Variants in DYNC1I1 observed in about 807,000 individuals in gnomAD.
DYNC1I1 encodes cytoplasmic dynein 1 intermediate chain 1.
A neutral mutation model predicts 86.6 loss-of-function variants in DYNC1I1; 43 were observed. That is an observed-to-expected ratio of 0.50 (90% CI 0.39 to 0.64). The LOEUF is 0.64. Among genes scored for constraint, DYNC1I1 ranks in the 30% least tolerant of loss-of-function variants. DYNC1I1 has a pLI of 0.00. For synonymous variants in DYNC1I1, 262 were observed against 283.7 expected, an observed-to-expected ratio of 0.92 and a Z score of 0.77; for missense variants, 604 against 788.8, an observed-to-expected ratio of 0.77 and a Z score of 2.81.
intron 15 of DYNC1I1, among the ~76,000 whole-genome samples, chr7:96,079,141 T>G (rs1415398290): frequency 6.6e-6 from 1 of 152,138 alleles, no homozygotes; most frequent in Non-Finnish European, 1.5e-5. Flanking sequence ...GATGGAGTTT[T>G]TATTGCTATT....
At chr7:96,070,334 G>A (rs956645696) in intron 14 of DYNC1I1, among the ~76,000 whole-genome samples, 2 of 152,106 alleles carry the variant, frequency 1.3e-5, no homozygotes, top group African/African-American at 4.8e-5. Context: ...TTTTGTGTGA[G>A]CCTGAAGTTT....
intron 14 of DYNC1I1, among the ~76,000 whole-genome samples, chr7:96,065,676 C>A (rs1032531833): frequency 2.0e-5 from 3 of 152,180 alleles, no homozygotes; most frequent in African/African-American, 7.2e-5. Flanking sequence ...GCGTGAGCCA[C>A]CGCGCCGAGC....
intron 16 of DYNC1I1, among the ~76,000 whole-genome samples, chr7:96,085,711 C>G (rs1745893406): frequency 6.6e-6 from 1 of 152,100 alleles, no homozygotes; most frequent in South Asian, 2.1e-4. Flanking sequence ...TCAAAAGTTA[C>G]TTACATAGAC....
chr7:96,065,501 C>A (rs767911963), intron 14 of DYNC1I1, among the ~76,000 whole-genome samples: 19 of 151,694 alleles, frequency 1.3e-4, no homozygotes, highest in Non-Finnish European at 2.4e-4. Flanking sequence ...CCTCAGCCTT[C>A]CAAATAGCTG....
chr7:96,006,540 C>T (rs1057295966), intron 10 of DYNC1I1, among the ~76,000 whole-genome samples: 7 of 152,150 alleles, frequency 4.6e-5, no homozygotes, highest in Non-Finnish European at 1.0e-4. Flanking sequence ...ACATAAATTT[C>T]CTGCCTTTAG....
intron 6 of DYNC1I1, among the ~76,000 whole-genome samples, chr7:95,906,828 G>T (rs1791189585): frequency 6.6e-6 from 1 of 151,952 alleles, no homozygotes; most frequent in African/African-American, 2.4e-5. Flanking sequence ...GACAAACAGA[G>T]GTCTCAGGAC....
intron 14 of DYNC1I1, among the ~76,000 whole-genome samples, chr7:96,072,129 G>A (rs1790186479): frequency 6.6e-6 from 1 of 152,252 alleles, no homozygotes; most frequent in Non-Finnish European, 1.5e-5. Context: ...ATAGAGTCAG[G>A]CACACAACGA....
chr7:95,800,859 A>G (rs1207755323), intron 1 of DYNC1I1, among the ~76,000 whole-genome samples: 1 of 152,218 alleles, frequency 6.6e-6, no homozygotes, highest in Admixed American at 6.5e-5. Context: ...AGCCACAGGA[A>G]TCTCTATAAC....
intron 14 of DYNC1I1, 34 bp from the exon 15 acceptor site, chr7:96,076,023 G>A: frequency 1.9e-6 from 3 of 1,600,128 alleles, no homozygotes; most frequent in Non-Finnish European, 1.7e-6. Flanking sequence ...CAGCAGCAGC[G>A]CCACAAAGTC....
At chr7:95,839,482 C>T (rs1789217477) in intron 5 of DYNC1I1, among the ~76,000 whole-genome samples, 1 of 152,130 alleles carries the variant, frequency 6.6e-6, no homozygotes, top group Non-Finnish European at 1.5e-5. Context: ...ACATTATGTG[C>T]AATTGGTGTT....
chr7:96,082,881 T>A (rs1790565757), intron 16 of DYNC1I1, among the ~76,000 whole-genome samples: 1 of 152,236 alleles, frequency 6.6e-6, no homozygotes, highest in South Asian at 2.1e-4. Flanking sequence ...ATACTCATAT[T>A]TGTACTATCG....
chr7:95,892,078 C>T (rs1289781695), intron 6 of DYNC1I1, among the ~76,000 whole-genome samples: 4 of 152,144 alleles, frequency 2.6e-5, no homozygotes, highest in Non-Finnish European at 5.9e-5. Context: ...AGTGATTCTT[C>T]TGCCTCAGCC....
chr7:95,942,352 G>A (rs544141052), intron 6 of DYNC1I1, among the ~76,000 whole-genome samples: 1 of 152,194 alleles, frequency 6.6e-6, no homozygotes, highest in Admixed American at 6.5e-5. Flanking sequence ...TAGACCAATA[G>A]CAGGCTCTGA....
At chr7:95,827,290 A>G (rs986478912) in intron 4 of DYNC1I1, among the ~76,000 whole-genome samples, 2 of 152,216 alleles carry the variant, frequency 1.3e-5, no homozygotes, top group African/African-American at 4.8e-5. Flanking sequence ...GGTACTGTGC[A>G]GGATATTTAA....
At chr7:96,086,407 T>C (rs1300635218) in intron 16 of DYNC1I1, among the ~76,000 whole-genome samples, 1 of 152,182 alleles carries the variant, frequency 6.6e-6, no homozygotes, top group Non-Finnish European at 1.5e-5. Context: ...AATGATAAAA[T>C]TACAGAATCA....
At chr7:95,890,528 C>T (rs961293090) in intron 6 of DYNC1I1, among the ~76,000 whole-genome samples, 1 of 152,034 alleles carries the variant, frequency 6.6e-6, no homozygotes, top group African/African-American at 2.4e-5. Context: ...GTTCAACAAA[C>T]CCCTGTGACA....
At chr7:95,865,804 C>G (rs1790003153) in intron 5 of DYNC1I1, among the ~76,000 whole-genome samples, 1 of 152,150 alleles carries the variant, frequency 6.6e-6, no homozygotes, top group Non-Finnish European at 1.5e-5. Flanking sequence ...TATAGTAGGC[C>G]ATACCATCTA....
chr7:95,907,099 C>A (rs1037775268), intron 6 of DYNC1I1, among the ~76,000 whole-genome samples: 41 of 152,120 alleles, frequency 2.7e-4, no homozygotes, highest in African/African-American at 9.7e-4. Context: ...GAGCTGCTTG[C>A]AGAACATCCG....
At chr7:95,831,300 A>T (rs189375278) in intron 5 of DYNC1I1, among the ~76,000 whole-genome samples, 1 of 152,246 alleles carries the variant, frequency 6.6e-6, no homozygotes, top group East Asian at 1.9e-4. Flanking sequence ...TTAAGCAATT[A>T]TTTTAATATT....
Sources: gnomAD v4.1 joint callset for allele counts (sites outside exome capture counted in the v4.1 genomes callset) on GRCh38, gnomAD v4.1.1 for gene constraint, MANE v1.5 for transcripts, NCBI Gene and HGNC (gene_info 2026-07-23, HGNC 2026-07-21) for gene names.